The following RBFOX1 variants were observed in gnomAD, a reference collection of about 807,000 sequenced individuals.
RBFOX1 encodes the protein RNA binding protein fox-1 homolog 1.
Under a neutral mutation model 57.7 loss-of-function variants are expected in RBFOX1, and 8 were observed. The ratio of observed to expected loss-of-function variants is 0.14; its 90% CI spans 0.08 to 0.25. The LOEUF (loss-of-function observed/expected upper bound fraction) is 0.25. RBFOX1 is among the 10% of genes least tolerant of loss of function. The probability of loss-of-function intolerance (pLI) is 1.00; values close to 1 mark genes in which losing one functional copy is unlikely to be tolerated. For missense variants in RBFOX1, 611 were observed against 548.5 expected, an observed-to-expected ratio of 1.11 and a Z score of -1.14; for synonymous variants, 326 against 222.4, an observed-to-expected ratio of 1.47 and a Z score of -4.15.
At chr16:6,626,577 T>C (rs963547879) in intron 2 of RBFOX1, among the ~76,000 whole-genome samples, 1 of 152,092 alleles carries the variant, frequency 6.6e-6, no homozygotes, top group South Asian at 2.1e-4. Context: ...CTGGCCAACA[T>C]GGTGAAACCC....
intron 14 of RBFOX1, among the ~76,000 whole-genome samples, chr16:7,679,538 C>G (rs1369871645): frequency 1.3e-5 from 2 of 152,196 alleles, no homozygotes; most frequent in Admixed American, 6.5e-5. Flanking sequence ...TCCCTGTAAT[C>G]ATGAGATTCA....
At chr16:5,486,997 C>A (rs1597262522) in intron 2 of RBFOX1, among the ~76,000 whole-genome samples, 1 of 152,144 alleles carries the variant, frequency 6.6e-6, no homozygotes, top group East Asian at 1.9e-4. Context: ...CAGGCCTTTG[C>A]ACAAAGTGTC....
At chr16:7,661,411 GC>G (rs1293930133) in intron 12 of RBFOX1, among the ~76,000 whole-genome samples, 1 of 152,094 alleles carries the variant, frequency 6.6e-6, no homozygotes, top group African/African-American at 2.4e-5. Context: ...CATAGGTCTT[GC>G]CTTGCAGTAC....
chr16:5,918,426 A>G (rs1490205602), intron 4 of RBFOX1, among the ~76,000 whole-genome samples: 1 of 152,098 alleles, frequency 6.6e-6, no homozygotes, highest in Non-Finnish European at 1.5e-5. Context: ...AGCCAGTTTT[A>G]CCTTTTTCCA....
At chr16:6,970,029 T>C (rs1353484031) in intron 3 of RBFOX1, among the ~76,000 whole-genome samples, 1 of 151,778 alleles carries the variant, frequency 6.6e-6, no homozygotes, top group Non-Finnish European at 1.5e-5. Context: ...TTAAAAAAAA[T>C]TAGATGGGCA....
At chr16:5,722,522 A>AG (rs1369453773) in intron 3 of RBFOX1, among the ~76,000 whole-genome samples, 6 of 152,120 alleles carry the variant, frequency 3.9e-5, no homozygotes, top group Admixed American at 2.6e-4. Context: ...CAGGGGATCA[A>AG]GGGGGGCATT....
At chr16:5,683,437 C>T (rs1281896289) in intron 3 of RBFOX1, among the ~76,000 whole-genome samples, 2 of 151,784 alleles carry the variant, frequency 1.3e-5, no homozygotes, top group African/African-American at 4.8e-5. Context: ...TGGGTGTCGC[C>T]AAAAGAGATG....
chr16:6,087,980 CGTGTGTGTGTTTGT>C (rs1339968048), intron 1 of RBFOX1, among the ~76,000 whole-genome samples: 1 of 152,054 alleles, frequency 6.6e-6, no homozygotes, highest in African/African-American at 2.4e-5. Flanking sequence ...AAAACTCCTG[CGTGTGTGTGTTTGT>C]GTGTGTGTGT....
rs1261300649 is a variant in RBFOX1 at position 6,904,608 on chromosome 16, A to G, written c.-15-147449A>G. ...AGAGTGAGACTCTCTCTAAAAAAAA[A>G]AAAAAAAAAAAAAAAAAAAAGAAGA... is the stretch of plus-strand genomic sequence containing the variant. On this transcript the variant is annotated intron_variant, in intron 3 of 15. Coordinates refer to ENST00000550418, the MANE Select transcript of RBFOX1 (RefSeq NM_018723.4). 1.5e-4 allele frequency among the ~76,000 whole-genome samples: 22 copies of G among 149,196 alleles called. 2 individuals carry two copies. The Middle Eastern group carries it at 0.014, about 94-fold the overall frequency.
intron 4 of RBFOX1, among the ~76,000 whole-genome samples, chr16:7,210,924 A>T (rs1039676922): frequency 2.5e-4 from 38 of 152,062 alleles, no homozygotes; most frequent in Non-Finnish European, 4.6e-4. Flanking sequence ...AGAAAAAAAA[A>T]TTTCAAGAAT....
intron 3 of RBFOX1, among the ~76,000 whole-genome samples, chr16:6,891,409 G>C (rs963149974): frequency 6.6e-6 from 1 of 152,112 alleles, no homozygotes; most frequent in East Asian, 1.9e-4. Context: ...CCAGAAACCC[G>C]TTTGCCTTTT....
intron 3 of RBFOX1, among the ~76,000 whole-genome samples, chr16:6,915,544 A>AC (rs2072922542): frequency 5.7e-5 from 6 of 104,470 alleles, no homozygotes; most frequent in African/African-American, 1.1e-4. Flanking sequence ...TCACCCCCAC[A>AC]CCCCCCTTTT....
chr16:5,818,455 A>G (rs150880198), intron 3 of RBFOX1, among the ~76,000 whole-genome samples: 10 of 152,150 alleles, frequency 6.6e-5, no homozygotes, highest in Admixed American at 4.6e-4. Flanking sequence ...GCCTTTCTTT[A>G]CTCAGTCAAT....
chr16:6,177,522 G>A (rs764665692), intron 1 of RBFOX1, among the ~76,000 whole-genome samples: 1 of 152,014 alleles, frequency 6.6e-6, no homozygotes, highest in Non-Finnish European at 1.5e-5. Context: ...ATTGTATTCA[G>A]GTTCAGTGAC....
intron 2 of RBFOX1, among the ~76,000 whole-genome samples, chr16:6,426,735 C>G (rs560802314): frequency 1.3e-5 from 2 of 152,186 alleles, no homozygotes; most frequent in Non-Finnish European, 2.9e-5. Flanking sequence ...AAGAACTGTT[C>G]TGAAATTTCA....
chr16:6,685,572 G>A (rs28672814), intron 3 of RBFOX1, among the ~76,000 whole-genome samples: 5,001 of 151,836 alleles, frequency 0.033, 268 homozygotes, highest in African/African-American at 0.11. Flanking sequence ...ACAGGCATGA[G>A]CCACTGTGTC....
chr16:7,038,041 C>G (rs1443503589), intron 3 of RBFOX1, among the ~76,000 whole-genome samples: 1 of 152,156 alleles, frequency 6.6e-6, no homozygotes, highest in African/African-American at 2.4e-5. Flanking sequence ...TATATTCTAT[C>G]CCAGTAGAGA....
Position 7,186,349 on chromosome 16 carries a change from A to G in RBFOX1, c.27+134251A>G, listed in dbSNP as rs1413635511. Among the ~76,000 whole-genome samples the G allele has an allele frequency of 2.2e-4, 11 of 49,296 alleles. 1 individual carries two copies. Among genetic ancestry groups the G allele is most frequent in the Admixed American group, 2.2e-4 (1 of 4,630 alleles). The allele number at this position is 49,296 out of a possible 152,430, so 32.3% of individuals were successfully genotyped here. A position where few individuals can be genotyped will look rare whatever the true frequency, so the allele number is the denominator to read the frequency against. Reference sequence around the variant, plus strand: ...ACATAAACATATTTATATAAATATAAACATAAACATATTTATATAAATATA... The same window carrying G: ...ACATAAACATATTTATATAAATATAGACATAAACATATTTATATAAATATA... On this transcript the variant is annotated intron_variant, in intron 4 of 15. Coordinates refer to ENST00000550418, the MANE Select transcript of RBFOX1 (RefSeq NM_018723.4).
intron 3 of RBFOX1, among the ~76,000 whole-genome samples, chr16:6,803,904 T>G (rs1229483221): frequency 2.0e-5 from 3 of 152,186 alleles, no homozygotes; most frequent in Non-Finnish European, 1.5e-5. Context: ...AAATGTAAGC[T>G]TTTACCATTG....
Sources: allele counts gnomAD v4.1 joint callset (sites outside exome capture counted in the v4.1 genomes callset), GRCh38; gene constraint gnomAD v4.1.1; transcripts MANE v1.5; gene names NCBI Gene and HGNC (gene_info 2026-07-23, HGNC 2026-07-21).